The following PLEKHG1 variants were observed in gnomAD, a reference collection of about 807,000 sequenced individuals.
PLEKHG1 encodes the protein pleckstrin homology domain-containing family G member 1.
Under a neutral mutation model 100.8 loss-of-function variants are expected in PLEKHG1, and 44 were observed. The observed-to-expected ratio is 0.44, with a 90% CI of 0.34 to 0.56. The LOEUF (loss-of-function observed/expected upper bound fraction) is 0.56. Ranked by LOEUF, PLEKHG1 falls within the 20% of genes least tolerant of loss-of-function variation. PLEKHG1 has a pLI of 0.01. For synonymous variants in PLEKHG1, 640 were observed against 662.5 expected (o/e 0.97, Z 0.52); for missense variants, 1,545 against 1,720.9 (o/e 0.90, Z 1.81).
At chr6:150,792,690 C>A (rs564020286) in intron 4 of PLEKHG1, among the ~76,000 whole-genome samples, 165 of 150,894 alleles carry the variant, frequency 1.1e-3, no homozygotes, top group South Asian at 1.7e-3. Context: ...ACAACAACAA[C>A]AAAAAAAAAC....
intron 1 of PLEKHG1, among the ~76,000 whole-genome samples, chr6:150,621,674 T>G (rs1777307139): frequency 6.6e-6 from 1 of 152,166 alleles, no homozygotes; most frequent in African/African-American, 2.4e-5. Context: ...CATGCCTGGC[T>G]GGCACAAATC....
chr6:150,795,809 A>T (rs773365639), intron 4 of PLEKHG1, 47 bp from the exon 6 acceptor site: 1 of 1,065,802 alleles, frequency 9.4e-7, no homozygotes, highest in South Asian at 1.3e-5. Flanking sequence ...ATGAATGTTT[A>T]TGTTTGTGCT....
intron 7 of PLEKHG1, among the ~76,000 whole-genome samples, chr6:150,807,819 A>G (rs561584801): frequency 6.6e-6 from 1 of 152,232 alleles, no homozygotes; most frequent in Admixed American, 6.5e-5. Flanking sequence ...AAATACAAAA[A>G]TTAACCAGGC....
chr6:150,716,012 G>A (rs1407801509), intron 3 of PLEKHG1, among the ~76,000 whole-genome samples: 1 of 149,168 alleles, frequency 6.7e-6, no homozygotes, highest in African/African-American at 2.5e-5. Flanking sequence ...GGAGGCTGAG[G>A]CAGGAGAATG....
At chr6:150,757,461 G>A (rs1416878758) in intron 2 of PLEKHG1, among the ~76,000 whole-genome samples, 1 of 152,194 alleles carries the variant, frequency 6.6e-6, no homozygotes, top group Non-Finnish European at 1.5e-5. Context: ...GTTTGGTGAA[G>A]GCTTTTAAGC....
Position 150,831,727 on chromosome 6 carries a change from G to C in PLEKHG1, c.2616G>C (p.Leu872=), listed in dbSNP as rs1228713702. The C allele has an allele frequency of 1.2e-6, 2 of 1,613,246 alleles. No individual in the cohort carries two copies. Among genetic ancestry groups the C allele is most frequent in the African/African-American group, 2.7e-5 (2 of 74,944 alleles). The change falls in exon 15 of 16, where the codon CTG becomes CTC. Residue 872 remains leucine, a synonymous_variant. Coordinates refer to ENST00000358517, the Ensembl canonical transcript of PLEKHG1. This position sits in a 1 kb window ranked among gnomAD's most constrained non-coding sequence, Gnocchi z 4.1. ...GCAAGGATGATGTGCCAGACAGGCT[G>C]CACGCAGAGAGCACCCCTGAGCTGA...
intron 2 of PLEKHG1, among the ~76,000 whole-genome samples, chr6:150,756,870 C>T (rs184074205): frequency 7.5e-4 from 114 of 152,298 alleles, no homozygotes; most frequent in Admixed American, 2.0e-3. Context: ...ATAATCTATA[C>T]TACTGTTCCT....
At position 150,674,636 on chromosome 6, in the gene PLEKHG1, T is replaced by TCTCC. The variant is rs1562427547; in HGVS notation, c.-99+23853_-99+23854insCCTC. ...TGTAACTTTCTCTCTCTCCTCCCTC[T>TCTCC]CTCTCTCTCTCTCTCTCTCTCTCTC... On this transcript the variant is annotated intron_variant, in intron 3 of 3. Coordinates refer to the PLEKHG1 transcript ENST00000367326. Among the ~76,000 whole-genome samples the TCTCC allele has an allele frequency of 5.5e-3, 491 of 89,334 alleles. 9 individuals are homozygous for TCTCC. The highest frequency in any genetic ancestry group is 6.9e-3 in the Non-Finnish European group (291 of 42,330). The allele number at this position is 89,334 out of a possible 152,430, so 58.6% of individuals were successfully genotyped here.
At position 150,822,177 on chromosome 6, in the gene PLEKHG1, A is replaced by AAC. The variant is rs1278144184; in HGVS notation, c.1447+945_1447+946insCA. Among the ~76,000 whole-genome samples, 266 of 124,382 alleles carry AAC rather than the reference A, an allele frequency of 2.1e-3. 10 individuals are homozygous for AAC. The highest frequency in any genetic ancestry group is 3.9e-3 in the African/African-American group (140 of 35,998). The allele number at this position is 124,382 out of a possible 152,430, so 81.6% of individuals were successfully genotyped here. The stretch of plus-strand genomic sequence containing the variant: ...AAAAAAAAAAAAAAAAAAAAAAAAA[A>AAC]AGAATAGGGCAGTTTCACAAAAACA... On this transcript the variant is annotated intron_variant, in intron 13 of 15. Transcript: ENST00000358517.
chr6:150,709,237 A>G (rs1273928372), intron 3 of PLEKHG1, among the ~76,000 whole-genome samples: 2 of 152,216 alleles, frequency 1.3e-5, no homozygotes, highest in African/African-American at 4.8e-5. Context: ...AAGGAGGCTG[A>G]GGCAGGAGAA....
chr6:150,651,357 C>T (rs906040282), intron 3 of PLEKHG1, among the ~76,000 whole-genome samples: 6 of 151,984 alleles, frequency 3.9e-5, no homozygotes, highest in East Asian at 2.0e-4. Flanking sequence ...CCTCAGCCTC[C>T]GGAGTAGTTG....
rs1776309597 is a variant in PLEKHG1 at position 150,600,650 on chromosome 6, CG to C, written c.-204+635del. Reference sequence around the variant, plus strand: ...TGTGGCTCTTCCGTCACGGGGTAAACGGTAACACCTGGGCGGCCGCGACTCT... The same window carrying C: ...TGTGGCTCTTCCGTCACGGGGTAAACGTAACACCTGGGCGGCCGCGACTCT... On this transcript the variant is annotated intron_variant, in intron 1 of 3. Transcript: ENST00000367326. This position sits in a 1 kb window ranked among gnomAD's most constrained non-coding sequence, Gnocchi z 6.2. 6.6e-6 allele frequency among the ~76,000 whole-genome samples: 1 copy of C among 152,200 alleles called. No homozygotes were observed. The highest frequency in any genetic ancestry group is 1.5e-5 in the Non-Finnish European group (1 of 68,020).
chr6:150,822,241 T>G (rs1776349668), intron 13 of PLEKHG1, among the ~76,000 whole-genome samples: 1 of 150,640 alleles, frequency 6.6e-6, no homozygotes, highest in Non-Finnish European at 1.5e-5. Flanking sequence ...GCCATCCATA[T>G]TCATAATCAG....
At chr6:150,745,300 G>A (rs189516661) in intron 2 of PLEKHG1, among the ~76,000 whole-genome samples, 1 of 152,288 alleles carries the variant, frequency 6.6e-6, no homozygotes, top group Admixed American at 6.5e-5. Context: ...ATAATCACAT[G>A]GGACCATCAT....
chr6:150,793,831 C>A (rs184836341), intron 4 of PLEKHG1, among the ~76,000 whole-genome samples: 317 of 152,284 alleles, frequency 2.1e-3, no homozygotes, highest in African/African-American at 7.4e-3. Flanking sequence ...CCTGCAATCC[C>A]AGCACTTTGG....
At chr6:150,620,627 C>G (rs1267729074) in intron 1 of PLEKHG1, among the ~76,000 whole-genome samples, 1 of 152,182 alleles carries the variant, frequency 6.6e-6, no homozygotes, top group Admixed American at 6.5e-5. Context: ...ACTTGACTTA[C>G]CTATTTTCAA....
intron 6 of PLEKHG1, among the ~76,000 whole-genome samples, chr6:150,803,026 C>T (rs951562119): frequency 6.6e-6 from 1 of 152,108 alleles, no homozygotes; most frequent in African/African-American, 2.4e-5. Context: ...CTCTGTACCT[C>T]CCAGTCTGTT....
intron 10 of PLEKHG1, among the ~76,000 whole-genome samples, chr6:150,812,079 G>A (rs532306068): frequency 6.6e-6 from 1 of 152,264 alleles, no homozygotes; most frequent in Non-Finnish European, 1.5e-5. Flanking sequence ...AGGGGTTGAA[G>A]GAGAGCATGG....
intron 15 of PLEKHG1, among the ~76,000 whole-genome samples, chr6:150,835,039 A>G (rs922064893): frequency 6.6e-5 from 10 of 151,892 alleles, no homozygotes; most frequent in Non-Finnish European, 1.3e-4. Context: ...CCGCTTTGCC[A>G]GGAGCTTGCT....
Sources: allele counts gnomAD v4.1 joint callset (sites outside exome capture counted in the v4.1 genomes callset), GRCh38; gene constraint gnomAD v4.1.1; non-coding constraint Gnocchi (gnomAD v3.1); transcripts MANE v1.5; gene names NCBI Gene and HGNC (gene_info 2026-07-23, HGNC 2026-07-21).